Variants in UTY observed in about 807,000 individuals in gnomAD.
UTY encodes the protein histone demethylase UTY.
In UTY, 12 loss-of-function variants were observed where a neutral mutation model predicts 32.5. That is an observed-to-expected ratio of 0.37 (90% CI 0.24 to 0.60). UTY has a LOEUF of 0.60. UTY is among the 20% of genes least tolerant of loss of function. The pLI, the probability that UTY is intolerant of heterozygous loss-of-function variation, is 0.69. For synonymous variants in UTY, 131 were observed against 103.4 expected (o/e 1.27, Z -1.62); for missense variants, 303 against 299.2 (o/e 1.01, Z -0.09).
chrY:13,254,885 G>A (rs971909000), intron 28 of UTY, among the ~76,000 whole-genome samples: 1 of 33,469 alleles, frequency 3.0e-5, no homozygotes, highest in Non-Finnish European at 7.4e-5. Context: ...AAATGAACAG[G>A]AGGATTTGGA....
intron 2 of UTY, among the ~76,000 whole-genome samples, chrY:13,473,224 A>T: frequency 3.1e-5 from 1 of 32,468 alleles, no homozygotes; most frequent in Non-Finnish European, 7.5e-5. Flanking sequence ...GAATCGCTTG[A>T]ACTTGGGAGG....
intron 27 of UTY, among the ~76,000 whole-genome samples, chrY:13,272,775 C>CT (rs2056388492): frequency 3.0e-5 from 1 of 33,521 alleles, no homozygotes; most frequent in Non-Finnish European, 7.4e-5. Context: ...TAGTTTCACT[C>CT]TGTCATTGAG....
chrY:13,406,973 A>T, intron 6 of UTY, among the ~76,000 whole-genome samples: 2 of 31,195 alleles, frequency 6.4e-5, no homozygotes, highest in Non-Finnish European at 1.6e-4. Context: ...AATGCTTAAG[A>T]TCTACTCTCT....
chrY:13,352,982 G>T, intron 17 of UTY, among the ~76,000 whole-genome samples: 3 of 34,074 alleles, frequency 8.8e-5, no homozygotes, highest in Admixed American at 7.9e-4. Context: ...GAGAAGGAAA[G>T]AAGTCATCTC....
chrY:13,476,645 G>A, intron 2 of UTY, among the ~76,000 whole-genome samples: 1 of 33,576 alleles, frequency 3.0e-5, no homozygotes, highest in African/African-American at 1.2e-4. Flanking sequence ...ATTGAACTGC[G>A]TATTATTTAA....
At chrY:13,285,538 G>A in intron 27 of UTY, among the ~76,000 whole-genome samples, 1 of 34,176 alleles carries the variant, frequency 2.9e-5, no homozygotes, top group Admixed American at 2.6e-4. Flanking sequence ...AGCTTTTCAC[G>A]AGTTAAAAAG....
At chrY:13,354,521 T>A in intron 17 of UTY, among the ~76,000 whole-genome samples, 1 of 32,449 alleles carries the variant, frequency 3.1e-5, no homozygotes, top group Admixed American at 2.8e-4. Context: ...TCTTAAGGGG[T>A]CACAGCCACT....
intron 3 of UTY, among the ~76,000 whole-genome samples, chrY:13,469,543 T>C (rs2078276304): frequency 3.1e-5 from 1 of 32,553 alleles, no homozygotes; most frequent in Admixed American, 2.9e-4. Flanking sequence ...ATCATTTGAC[T>C]GAATGAAAAA....
chrY:13,316,613 A>G, intron 21 of UTY, among the ~76,000 whole-genome samples: 1 of 32,993 alleles, frequency 3.0e-5, no homozygotes, highest in African/African-American at 1.2e-4. Flanking sequence ...GTAATCATAT[A>G]AACTGTGTGA....
intron 28 of UTY, among the ~76,000 whole-genome samples, chrY:13,255,936 A>T (rs1013846016): frequency 6.1e-5 from 2 of 33,035 alleles, no homozygotes; most frequent in Admixed American, 2.8e-4. Flanking sequence ...TATATGGATG[A>T]TATCCTTTGT....
intron 27 of UTY, among the ~76,000 whole-genome samples, chrY:13,261,298 G>A (rs2055241611): frequency 3.0e-5 from 1 of 33,246 alleles, no homozygotes; most frequent in Non-Finnish European, 7.5e-5. Flanking sequence ...CTACAGATAC[G>A]GACTTGAAAT....
chrY:13,311,752 C>T, intron 21 of UTY, among the ~76,000 whole-genome samples: 3 of 32,689 alleles, frequency 9.2e-5, no homozygotes, highest in Non-Finnish European at 1.5e-4. Flanking sequence ...TTTAAATGTA[C>T]GATGTCAAAC....
intron 3 of UTY, among the ~76,000 whole-genome samples, chrY:13,458,213 G>A (rs546471337): frequency 1.2e-4 from 4 of 33,499 alleles, no homozygotes; most frequent in Non-Finnish European, 2.2e-4. Context: ...GAATAGTGCC[G>A]ATATAAACAT....
At chrY:13,243,417 AAG>A (rs2053923914), downstream of UTY, among the ~76,000 whole-genome samples, 1 of 32,727 alleles carries the variant, frequency 3.1e-5, no homozygotes, top group Non-Finnish European at 7.6e-5. Context: ...TTTTATGGCT[AAG>A]AGCTCAAAAG....
chrY:13,304,102 G>C, intron 24 of UTY: 1 of 115,425 alleles, frequency 8.7e-6, no homozygotes. Context: ...ACCACTTACT[G>C]GCCACGGAAA....
chrY:13,473,658 G>T, intron 2 of UTY, among the ~76,000 whole-genome samples: 1 of 33,030 alleles, frequency 3.0e-5, no homozygotes, highest in South Asian at 6.7e-4. Context: ...CAAACCTGAG[G>T]GCGTTCATCA....
chrY:13,283,206 C>CTTTTG (rs2057146842), intron 27 of UTY, among the ~76,000 whole-genome samples: 1 of 34,286 alleles, frequency 2.9e-5, no homozygotes, highest in African/African-American at 1.1e-4. Flanking sequence ...CCTGATCACC[C>CTTTTG]ATGGAGTGCC....
chrY:13,419,748 C>A, intron 4 of UTY, among the ~76,000 whole-genome samples: 2 of 33,469 alleles, frequency 6.0e-5, no homozygotes, highest in Admixed American at 5.4e-4. Context: ...ACACAGGCAA[C>A]AAGCCACCAT....
intron 4 of UTY, among the ~76,000 whole-genome samples, chrY:13,448,550 G>A (rs374296506): frequency 1.5e-4 from 5 of 32,989 alleles, no homozygotes; most frequent in South Asian, 6.5e-4. Flanking sequence ...AGGGTACAGT[G>A]TTTTATTTTA....
Sources: gnomAD v4.1 joint callset for allele counts (sites outside exome capture counted in the v4.1 genomes callset) on GRCh38, gnomAD v4.1.1 for gene constraint, MANE v1.5 for transcripts, NCBI Gene and HGNC (gene_info 2026-07-23, HGNC 2026-07-21) for gene names.